The following CNTRL variants were observed in gnomAD, a reference collection of about 807,000 sequenced individuals.
CNTRL encodes 110 kDa centrosomal protein.
Under a neutral mutation model 303.7 loss-of-function variants are expected in CNTRL, and 233 were observed. That is an observed-to-expected ratio of 0.77 (90% CI 0.69 to 0.86). The LOEUF (loss-of-function observed/expected upper bound fraction) is 0.86, where lower values mean the gene tolerates loss of function less well. Ranked by LOEUF, CNTRL falls within the 40% of genes least tolerant of loss-of-function variation. The pLI is 0.00. For synonymous variants in CNTRL, 900 were observed against 922.2 expected (o/e 0.98, Z 0.44); for missense variants, 2,524 against 2,650.6 (o/e 0.95, Z 1.05).
chr9:121,125,863 A>G lies in CNTRL; in HGVS notation c.1952A>G (p.Gln651Arg). 6.2e-7 allele frequency: 1 copy of G among 1,614,262 alleles called. No homozygotes were observed. Among genetic ancestry groups the G allele is most frequent in the Non-Finnish European group, 8.5e-7 (1 of 1,180,046 alleles). The part of the protein sequence containing the change: ...KLRDEKETLL[Q>R]RLTEVEQERD... ...CGGGATGAGAAAGAGACATTGTTGCAGAGATTGACAGAAGTCGAGCAGGAG... is the reference window on the plus strand; with the variant it reads ...CGGGATGAGAAAGAGACATTGTTGCGGAGATTGACAGAAGTCGAGCAGGAG... Residue 651 changes from glutamine (Q) to arginine (R), a missense_variant, in exon 14 of 44, where the codon CAG (glutamine) becomes CGG (arginine). Coordinates refer to ENST00000373855, the MANE Select transcript of CNTRL (RefSeq NM_007018.6).
chr9:121,157,326 C>T (rs1019570111), intron 27 of CNTRL, 144 bp from the exon 28 acceptor site: 42 of 700,146 alleles, frequency 6.0e-5, no homozygotes, highest in South Asian at 2.4e-4. Context: ...AATTATTTAC[C>T]GAGAATTAGA....
rs574075395 is a variant in CNTRL at position 121,177,361 on chromosome 9, G to T, written c.*175G>T. On this transcript the variant is annotated 3_prime_UTR_variant, in exon 44 of 44. Coordinates refer to ENST00000373855, the MANE Select transcript of CNTRL (RefSeq NM_007018.6). ...ATGCCAATGTTTTTATAAATCACTT[G>T]TACATAGTACATATGGGAATAGTTG... 2.1e-5 allele frequency: 12 copies of T among 564,940 alleles called. No individual in the cohort carries two copies. The African/African-American group carries it at 2.1e-4, about 10-fold the overall frequency. 35.0% of individuals were successfully genotyped at this position (564,940 alleles called of 1,614,324 possible). A position where few individuals can be genotyped will look rare whatever the true frequency, so the allele number is the denominator to read the frequency against.
intron 12 of CNTRL, among the ~76,000 whole-genome samples, chr9:121,123,378 C>T (rs2050339220): frequency 6.6e-6 from 1 of 152,052 alleles, no homozygotes; most frequent in South Asian, 2.1e-4. Flanking sequence ...TCAGGAGTTC[C>T]AGATCAGCCT....
At chr9:121,076,774 T>C (rs897841107) in intron 1 of CNTRL, among the ~76,000 whole-genome samples, 1 of 152,018 alleles carries the variant, frequency 6.6e-6, no homozygotes, top group Non-Finnish European at 1.5e-5. Flanking sequence ...CTGGAGACTT[T>C]GCAGAGGAAT....
At chr9:121,149,939 C>T (rs1409989974) in intron 24 of CNTRL, among the ~76,000 whole-genome samples, 4 of 152,120 alleles carry the variant, frequency 2.6e-5, no homozygotes, top group African/African-American at 9.7e-5. Flanking sequence ...CAGAAACAAA[C>T]CAACAGATAA....
chr9:121,132,579 TC>T (rs1035168598), intron 14 of CNTRL, among the ~76,000 whole-genome samples: 1 of 152,226 alleles, frequency 6.6e-6, no homozygotes, highest in Non-Finnish European at 1.5e-5. Context: ...GGTTCAAACA[TC>T]GTCCTTTAGC....
In CNTRL at chr9:121,173,340, TGAA is replaced by T. The variant is rs1213813477; in HGVS notation, c.6519_6521del (p.Lys2173del). ...GTGAAGGATGAAATCAGAACCAGCT[TGAA>T]GAATCTTAATCAGTTTCTTCCAGAA... On this transcript the variant is annotated inframe_deletion, in exon 41 of 44. Coordinates refer to ENST00000373855, the MANE Select transcript of CNTRL (RefSeq NM_007018.6). The T allele has an allele frequency of 2.5e-6, 4 of 1,614,042 alleles. No individual in the cohort carries two copies. In the African/African-American group the frequency reaches 5.3e-5, roughly 22 times the overall value.
At chr9:121,171,208 T>C (rs754812359) in intron 39 of CNTRL, 200 bp from the exon 40 acceptor site, 2 of 660,122 alleles carry the variant, frequency 3.0e-6, no homozygotes, top group East Asian at 3.0e-5. Flanking sequence ...TCAAAGGTAA[T>C]GCTAACAGAC....
chr9:121,122,342 C>T, intron 12 of CNTRL: 6 of 930,260 alleles, frequency 6.4e-6, no homozygotes, highest in Non-Finnish European at 7.7e-6. Context: ...TAAAGCTTTA[C>T]CAGTAGTAAA....
chr9:121,105,509 C>T (rs2049423438), intron 7 of CNTRL, among the ~76,000 whole-genome samples: 1 of 152,186 alleles, frequency 6.6e-6, no homozygotes, highest in African/African-American at 2.4e-5. Flanking sequence ...ACTAGTCATA[C>T]AAATTTTATG....
intron 7 of CNTRL, among the ~76,000 whole-genome samples, chr9:121,104,334 T>A (rs543760131): frequency 6.6e-6 from 1 of 152,182 alleles, no homozygotes; most frequent in South Asian, 2.1e-4. Flanking sequence ...ATGAGAACAC[T>A]TGGACACAGG....
Position 121,146,266 on chromosome 9 carries a change from C to G in CNTRL, c.3459+10C>G. On this transcript the variant is annotated intron_variant, in intron 23 of 43. Transcript: ENST00000373855. ...ACCACCATCATCAAAAGTAGGAATT[C>G]TGTGGTGTTGGGAATGTATACTGAA... 1 of 1,601,566 alleles carries G rather than the reference C, an allele frequency of 6.2e-7. No homozygotes were observed. The highest frequency in any genetic ancestry group is 1.1e-5 in the South Asian group (1 of 87,810).
intron 11 of CNTRL, among the ~76,000 whole-genome samples, chr9:121,116,920 A>G (rs575953416): frequency 6.6e-6 from 1 of 152,360 alleles, no homozygotes; most frequent in Middle Eastern, 3.4e-3. Context: ...GGAGCTATCA[A>G]GACGGTTTTA....
intron 23 of CNTRL, among the ~76,000 whole-genome samples, chr9:121,146,710 A>G (rs943943301): frequency 6.6e-6 from 1 of 152,248 alleles, no homozygotes; most frequent in Non-Finnish European, 1.5e-5. Context: ...CCATGCCAGC[A>G]TAATTGCAAA....
intron 6 of CNTRL, 152 bp from the exon 7 acceptor site, chr9:121,098,234 A>C: frequency 1.6e-6 from 1 of 609,262 alleles, no homozygotes; most frequent in East Asian, 2.8e-5. Flanking sequence ...ATAAATACTC[A>C]TATACTCCCT....
chr9:121,143,456 C>T (rs996297931), intron 19 of CNTRL, among the ~76,000 whole-genome samples: 1 of 152,150 alleles, frequency 6.6e-6, no homozygotes, highest in African/African-American at 2.4e-5. Context: ...CCTGTAGCTT[C>T]CTTTGTTCTT....
At chr9:121,160,437 A>G (rs1382692003) in intron 32 of CNTRL, 135 bp downstream of exon 32, 1 of 508,716 alleles carries the variant, frequency 2.0e-6, no homozygotes, top group Admixed American at 4.8e-5. Context: ...CAAGCAGGTT[A>G]TAAAAGGAAT....
At chr9:121,172,484 T>C (rs1396276159) in intron 40 of CNTRL, among the ~76,000 whole-genome samples, 4 of 151,972 alleles carry the variant, frequency 2.6e-5, no homozygotes, top group Admixed American at 2.6e-4. Context: ...CTACTAAAAA[T>C]ACAAAAAGTA....
chr9:121,100,563 A>C (rs558261801), intron 7 of CNTRL, among the ~76,000 whole-genome samples: 2 of 152,372 alleles, frequency 1.3e-5, no homozygotes, highest in African/African-American at 4.8e-5. Flanking sequence ...TAACAATATT[A>C]ACCTTAAATG....
Sources: allele counts gnomAD v4.1 joint callset (sites outside exome capture counted in the v4.1 genomes callset), GRCh38; gene constraint gnomAD v4.1.1; transcripts MANE v1.5; gene names NCBI Gene and HGNC (gene_info 2026-07-23, HGNC 2026-07-21).